Variants in ARHGAP6 observed in about 807,000 individuals in gnomAD.
The protein encoded by ARHGAP6 is rho GTPase-activating protein 6.
ARHGAP6 carries 16 observed loss-of-function variants against 55.7 expected under a neutral mutation model. The observed-to-expected ratio is 0.29, with a 90% CI of 0.19 to 0.44. The LOEUF (loss-of-function observed/expected upper bound fraction) is 0.44. Among genes scored for constraint, ARHGAP6 ranks in the 20% least tolerant of loss-of-function variants. The pLI is 1.00. For synonymous variants in ARHGAP6, 382 were observed against 360.9 expected (o/e 1.06, Z -0.66); for missense variants, 698 against 808.9 (o/e 0.86, Z 1.66).
At chrX:11,618,362 C>G (rs2052190556) in intron 1 of ARHGAP6, among the ~76,000 whole-genome samples, 1 of 112,463 alleles carries the variant, frequency 8.9e-6, no homozygotes, top group Admixed American at 9.4e-5. Flanking sequence ...GCTTTATACA[C>G]ATACACAGAT....
At chrX:11,407,932 C>T (rs1165705876) in intron 1 of ARHGAP6, among the ~76,000 whole-genome samples, 1 of 111,075 alleles carries the variant, frequency 9.0e-6, no homozygotes, top group Non-Finnish European at 1.9e-5. Flanking sequence ...AATGAATGTT[C>T]TAAGGAATTT....
intron 9 of ARHGAP6, among the ~76,000 whole-genome samples, chrX:11,157,337 C>T (rs1419924615): frequency 1.8e-5 from 2 of 112,601 alleles, no homozygotes; most frequent in Non-Finnish European, 1.9e-5. Flanking sequence ...GCATATGTCA[C>T]TTTATTATTC....
chrX:11,214,394 A>T (rs1270785889), intron 2 of ARHGAP6, among the ~76,000 whole-genome samples: 1 of 112,307 alleles, frequency 8.9e-6, no homozygotes, highest in Non-Finnish European at 1.9e-5. Context: ...GCAGTTGGGC[A>T]TGTTGGAAGC....
chrX:11,146,497 C>G (rs1812498583), intron 10 of ARHGAP6, among the ~76,000 whole-genome samples: 1 of 112,491 alleles, frequency 8.9e-6, no homozygotes, highest in African/African-American at 3.2e-5. Context: ...TTCCCCACCC[C>G]CCAGTGTATC....
intron 1 of ARHGAP6, among the ~76,000 whole-genome samples, chrX:11,389,325 A>T (rs2147735345): frequency 8.9e-6 from 1 of 112,451 alleles, no homozygotes; most frequent in African/African-American, 3.2e-5. Context: ...TTCAACCGAA[A>T]CACAAATAAG....
chrX:11,556,859 G>A (rs955844859), intron 1 of ARHGAP6, among the ~76,000 whole-genome samples: 4 of 111,502 alleles, frequency 3.6e-5, no homozygotes, highest in African/African-American at 1.3e-4. Flanking sequence ...CTCCCTACTA[G>A]GTTCTGAAAT....
intron 1 of ARHGAP6, among the ~76,000 whole-genome samples, chrX:11,476,011 T>C (rs2050400636): frequency 9.0e-6 from 1 of 110,642 alleles, no homozygotes. Context: ...CACAGAGAGA[T>C]TGAATAAGAT....
intron 10 of ARHGAP6, among the ~76,000 whole-genome samples, chrX:11,146,696 A>T (rs1351153324): frequency 8.9e-6 from 1 of 112,352 alleles, no homozygotes; most frequent in African/African-American, 3.2e-5. Flanking sequence ...TCTGGGATTG[A>T]GTGAAAGAAA....
At chrX:11,566,295 A>G (rs2051440479) in intron 1 of ARHGAP6, among the ~76,000 whole-genome samples, 1 of 112,102 alleles carries the variant, frequency 8.9e-6, no homozygotes, top group Non-Finnish European at 1.9e-5. Flanking sequence ...ATGCTAGCAT[A>G]TAGAGAATGT....
chrX:11,545,733 C>CA (rs1462885820), intron 1 of ARHGAP6, among the ~76,000 whole-genome samples: 4 of 111,828 alleles, frequency 3.6e-5, no homozygotes, highest in Non-Finnish European at 7.5e-5. Context: ...AAGAGTGGCA[C>CA]AATGTGGGCT....
Position 11,300,949 on chromosome X carries a change from AAAAC to A in ARHGAP6, c.589-46246_589-46243del, listed in dbSNP as rs1183580088. Among the ~76,000 whole-genome samples the A allele has an allele frequency of 2.7e-5, 3 of 112,231 alleles. No individual in the cohort carries two copies. In the Admixed American group the frequency reaches 2.8e-4, roughly 11 times the overall value. On this transcript the variant is annotated intron_variant, in intron 1 of 12. Coordinates refer to ENST00000337414, the MANE Select transcript of ARHGAP6 (RefSeq NM_013427.3). The stretch of plus-strand genomic sequence containing the variant: ...TTATACTGTCTCAAATCTTTTTTAA[AAAAC>A]AAAGTTTATACATCAGTTAAAACAG...
chrX:11,162,889 G>A (rs140551874), intron 9 of ARHGAP6, among the ~76,000 whole-genome samples: 1,166 of 111,950 alleles, frequency 0.01, 12 homozygotes, highest in South Asian at 0.015. Context: ...ATTAAACAAC[G>A]TTTTCATTTT....
chrX:11,249,554 A>G (rs2047396274), intron 2 of ARHGAP6, among the ~76,000 whole-genome samples: 1 of 111,226 alleles, frequency 9.0e-6, no homozygotes, highest in African/African-American at 3.3e-5. Context: ...CAACTTTTGG[A>G]GCCATGCCAC....
chrX:11,351,497 T>C lies in ARHGAP6; in HGVS notation c.589-96790A>G, dbSNP rs2048863344. On this transcript the variant is annotated intron_variant, in intron 1 of 12. Coordinates refer to ENST00000337414, the MANE Select transcript of ARHGAP6 (RefSeq NM_013427.3). ...GATTCCTCTAGGATTCCCCTCCATC[T>C]CGTCCTGCTGGATAGTGGCGTTGGA... 3.8e-5 allele frequency: 36 copies of C among 945,399 alleles called. 1 individual carries two copies. The South Asian group carries it at 8.1e-4, about 21-fold the overall frequency. 77.9% of individuals were successfully genotyped at this position (945,399 alleles called of 1,213,427 possible).
intron 1 of ARHGAP6, among the ~76,000 whole-genome samples, chrX:11,645,788 G>T (rs2052520184): frequency 9.0e-6 from 1 of 111,593 alleles, no homozygotes; most frequent in Non-Finnish European, 1.9e-5. Flanking sequence ...AAAAGGATGG[G>T]CAAGGGGCTG....
chrX:11,531,487 A>C (rs1405456429), intron 1 of ARHGAP6, among the ~76,000 whole-genome samples: 2 of 110,999 alleles, frequency 1.8e-5, no homozygotes, highest in African/African-American at 6.5e-5. Flanking sequence ...TCAATCTAAG[A>C]CATTCCTCCA....
At chrX:11,558,836 C>CAAAAAAAAA (rs58936931) in intron 1 of ARHGAP6, among the ~76,000 whole-genome samples, 36 of 30,066 alleles carry the variant, frequency 1.2e-3, no homozygotes, top group African/African-American at 2.0e-3. Flanking sequence ...GATTCCATCT[C>CAAAAAAAAA]AAAAAAAAAA....
At chrX:11,403,863 T>C (rs369945362) in intron 1 of ARHGAP6, among the ~76,000 whole-genome samples, 6 of 112,597 alleles carry the variant, frequency 5.3e-5, no homozygotes, top group African/African-American at 1.9e-4. Flanking sequence ...ACTTTCTTCC[T>C]TTGCAGACAT....
In ARHGAP6 at chrX:11,595,394, C is replaced by T. The variant is rs184331369; in HGVS notation, c.588+68847G>A. On this transcript the variant is annotated intron_variant, in intron 1 of 12. Coordinates refer to ENST00000337414, the MANE Select transcript of ARHGAP6 (RefSeq NM_013427.3). ...CCATATGCAGAAAACTGAAACTGGACCCCTTCCTTACACCTTATACAAAAA... is the reference window on the plus strand; with the variant it reads ...CCATATGCAGAAAACTGAAACTGGATCCCTTCCTTACACCTTATACAAAAA... 4.5e-5 allele frequency among the ~76,000 whole-genome samples: 5 copies of T among 110,520 alleles called. No homozygotes were observed. The East Asian group carries it at 1.1e-3, about 25-fold the overall frequency.
Sources: gnomAD v4.1 joint callset for allele counts (sites outside exome capture counted in the v4.1 genomes callset) on GRCh38, gnomAD v4.1.1 for gene constraint, MANE v1.5 for transcripts, NCBI Gene and HGNC (gene_info 2026-07-23, HGNC 2026-07-21) for gene names.